The following FAM241A variants were observed in gnomAD, a reference collection of about 807,000 sequenced individuals.
FAM241A encodes family with sequence similarity 241 member A, also known as uncharacterized protein FAM241A.
Under a neutral mutation model 12.2 loss-of-function variants are expected in FAM241A, and 7 were observed. The observed-to-expected ratio is 0.58, with a 90% CI of 0.33 to 1.08. The LOEUF (loss-of-function observed/expected upper bound fraction) is 1.08. FAM241A is among the 50% of genes least tolerant of loss of function. The pLI is 0.04. For synonymous variants in FAM241A, 74 were observed against 68.2 expected (o/e 1.08, Z -0.42); for missense variants, 161 against 169.7 (o/e 0.95, Z 0.29).
chr4:112,176,888 A>G (rs551032194), intron 1 of FAM241A, among the ~76,000 whole-genome samples: 1 of 152,328 alleles, frequency 6.6e-6, no homozygotes, highest in East Asian at 1.9e-4. Context: ...TTTGGCAAAG[A>G]CAAAAGTGAT....
intron 1 of FAM241A, 115 bp from the exon 2 acceptor site, chr4:112,186,578 A>G: frequency 1.1e-6 from 1 of 938,026 alleles, no homozygotes; most frequent in Non-Finnish European, 1.6e-6. Context: ...GTACTTGTAG[A>G]ATAATTATCA....
chr4:112,169,795 A>T (rs1484770333), intron 1 of FAM241A, among the ~76,000 whole-genome samples: 1 of 152,250 alleles, frequency 6.6e-6, no homozygotes, highest in African/African-American at 2.4e-5. Context: ...AATAGAAGCC[A>T]AAAAGACTAA....
At chr4:112,166,000 A>G (rs1331516491) in intron 1 of FAM241A, among the ~76,000 whole-genome samples, 1 of 152,122 alleles carries the variant, frequency 6.6e-6, no homozygotes, top group African/African-American at 2.4e-5. Context: ...ACCTGTATCA[A>G]AATATCTCGT....
At chr4:112,186,162 T>A (rs937620014) in intron 1 of FAM241A, among the ~76,000 whole-genome samples, 14 of 152,012 alleles carry the variant, frequency 9.2e-5, no homozygotes, top group African/African-American at 2.9e-4. Flanking sequence ...AAAAAAAAAA[T>A]TTGTATTAAA....
At chr4:112,186,646 ATT>A in intron 1 of FAM241A, 45 bp from the exon 2 acceptor site, 1 of 1,551,680 alleles carries the variant, frequency 6.4e-7, no homozygotes, top group Non-Finnish European at 8.7e-7. Flanking sequence ...ACGTTTACAT[ATT>A]TCTCATGTTA....
At position 112,187,920 on chromosome 4, in the gene FAM241A, A is replaced by T. The variant is rs1336679823; in HGVS notation, c.*982A>T. 1 of 152,160 alleles carries T rather than the reference A, an allele frequency of 6.6e-6. No homozygotes were observed. Among genetic ancestry groups the T allele is most frequent in the South Asian group, 2.1e-4 (1 of 4,824 alleles). 9.4% of individuals were successfully genotyped at this position (152,160 alleles called of 1,614,324 possible). A position where few individuals can be genotyped will look rare whatever the true frequency, so the allele number is the denominator to read the frequency against. Reference sequence around the variant, plus strand: ...AAAAAAATCAGATCATTTTTCTTTGATATCTATATCAGAAAGGTACAATAT... The same window carrying T: ...AAAAAAATCAGATCATTTTTCTTTGTTATCTATATCAGAAAGGTACAATAT... On this transcript the variant is annotated 3_prime_UTR_variant, in exon 2 of 2. Coordinates refer to ENST00000309733, the MANE Select transcript of FAM241A (RefSeq NM_152400.3).
Position 112,190,215 on chromosome 4 carries a change from G to C in FAM241A, c.*3277G>C, listed in dbSNP as rs936400039. 2.0e-5 allele frequency: 3 copies of C among 147,956 alleles called. No individual in the cohort carries two copies. Among genetic ancestry groups the C allele is most frequent in the African/African-American group, 7.6e-5 (3 of 39,400 alleles). 9.2% of individuals were successfully genotyped at this position (147,956 alleles called of 1,614,324 possible). A position where few individuals can be genotyped will look rare whatever the true frequency, so the allele number is the denominator to read the frequency against. ...AAAATTACAGTATAAGTAAAGGTCT[G>C]TTGTAATATAGAAAGCTCAAAATAG... On this transcript the variant is annotated 3_prime_UTR_variant, in exon 2 of 2. Transcript: ENST00000309733.
intron 1 of FAM241A, among the ~76,000 whole-genome samples, chr4:112,149,270 T>C (rs900070198): frequency 6.6e-6 from 1 of 152,164 alleles, no homozygotes; most frequent in African/African-American, 2.4e-5. Context: ...CCTCCCGAAG[T>C]ACTGGGATTA....
intron 1 of FAM241A, among the ~76,000 whole-genome samples, chr4:112,151,162 A>G (rs991491457): frequency 3.9e-5 from 6 of 152,140 alleles, no homozygotes; most frequent in African/African-American, 1.4e-4. Flanking sequence ...GCTTAGTGCT[A>G]TGCCTTTGGT....
chr4:112,189,873 C>A lies in FAM241A; in HGVS notation c.*2935C>A, dbSNP rs1724128789. The stretch of plus-strand genomic sequence containing the variant: ...TTTTTTTTTTTTTTTTCCTTGAAAG[C>A]CAGCTGTTAAACATACATCAGCACA... On this transcript the variant is annotated 3_prime_UTR_variant, in exon 2 of 2. Coordinates refer to ENST00000309733, the MANE Select transcript of FAM241A (RefSeq NM_152400.3). 1 of 150,296 alleles carries A rather than the reference C, an allele frequency of 6.7e-6. No homozygotes were observed. The highest frequency in any genetic ancestry group is 2.5e-5 in the African/African-American group (1 of 40,756). The allele number at this position is 150,296 out of a possible 1,614,324, so 9.3% of individuals were successfully genotyped here. A position where few individuals can be genotyped will look rare whatever the true frequency, so the allele number is the denominator to read the frequency against.
chr4:112,161,879 C>T (rs946717958), intron 1 of FAM241A, among the ~76,000 whole-genome samples: 2 of 152,070 alleles, frequency 1.3e-5, no homozygotes, highest in Non-Finnish European at 2.9e-5. Context: ...TAGACCGATA[C>T]CCATGATGAA....
intron 1 of FAM241A, among the ~76,000 whole-genome samples, chr4:112,179,914 G>GATAT (rs34513702): frequency 0.052 from 6,080 of 117,694 alleles, 263 homozygotes; most frequent in East Asian, 0.18. Context: ...AAGAAAATGT[G>GATAT]ATATATATAT....
intron 1 of FAM241A, among the ~76,000 whole-genome samples, chr4:112,157,649 G>A (rs1039974553): frequency 3.3e-5 from 5 of 151,886 alleles, no homozygotes; most frequent in Admixed American, 6.6e-5. Flanking sequence ...TGAAAAAAAA[G>A]TAAAAATCGA....
At chr4:112,145,996 C>T (rs1040615766) in intron 1 of FAM241A, among the ~76,000 whole-genome samples, 4 of 152,078 alleles carry the variant, frequency 2.6e-5, no homozygotes, top group Non-Finnish European at 2.9e-5. Context: ...CGTCCCCTGG[C>T]GTCCGGCAGA....
intron 1 of FAM241A, among the ~76,000 whole-genome samples, chr4:112,178,126 A>G (rs544549946): frequency 1.3e-5 from 2 of 152,200 alleles, no homozygotes; most frequent in East Asian, 1.9e-4. Flanking sequence ...GAAAATAGAT[A>G]TATAAAGAAA....
intron 1 of FAM241A, among the ~76,000 whole-genome samples, chr4:112,167,723 G>A (rs1347724985): frequency 6.6e-6 from 1 of 152,028 alleles, no homozygotes; most frequent in Non-Finnish European, 1.5e-5. Context: ...TTAATAGCAG[G>A]GAACATGGGT....
At chr4:112,152,852 C>T (rs980144429) in intron 1 of FAM241A, among the ~76,000 whole-genome samples, 3 of 152,182 alleles carry the variant, frequency 2.0e-5, no homozygotes, top group African/African-American at 7.2e-5. Flanking sequence ...TCAATTTCCT[C>T]ATTTGTAATG....
chr4:112,158,950 G>A (rs925835549), intron 1 of FAM241A, among the ~76,000 whole-genome samples: 6 of 152,036 alleles, frequency 3.9e-5, no homozygotes, highest in Non-Finnish European at 7.4e-5. Flanking sequence ...GTATGATTGT[G>A]CTTTATCACC....
chr4:112,186,193 AAATT>A (rs1724035447), intron 1 of FAM241A, among the ~76,000 whole-genome samples: 1 of 152,222 alleles, frequency 6.6e-6, no homozygotes, highest in South Asian at 2.1e-4. Context: ...TCTCCTGATG[AAATT>A]AATAAGAGGC....
Sources: gnomAD v4.1 joint callset for allele counts (sites outside exome capture counted in the v4.1 genomes callset) on GRCh38, gnomAD v4.1.1 for gene constraint, MANE v1.5 for transcripts, NCBI Gene and HGNC (gene_info 2026-07-23, HGNC 2026-07-21) for gene names.